PLEC: variants seen among roughly 807,000 people sequenced by gnomAD.
PLEC encodes the protein plectin, also known as hemidesmosomal protein 1.
In PLEC, 216 loss-of-function variants were observed where a neutral mutation model predicts 392.8. The observed-to-expected ratio is 0.55, with a 90% CI of 0.49 to 0.62. The LOEUF (loss-of-function observed/expected upper bound fraction) is 0.62, where lower values mean the gene tolerates loss of function less well. Among genes scored for constraint, PLEC ranks in the 20% least tolerant of loss-of-function variants. PLEC has a pLI of 0.00. For missense variants in PLEC, 6,863 were observed against 6,563.4 expected (o/e 1.05, Z -1.58); for synonymous variants, 3,621 against 2,980.6 (o/e 1.21, Z -7.00).
chr8:143,921,111 C>T lies in PLEC; in HGVS notation c.8710G>A (p.Val2904Ile), dbSNP rs781878564. 5.6e-6 allele frequency: 9 copies of T among 1,612,300 alleles called. No individual in the cohort carries two copies. The highest frequency in any genetic ancestry group is 1.7e-5 in the Admixed American group (1 of 60,010). ...LVYTDSEARD[V>I]FEKATVSAPF... ...GCAGACACGGTGGCCTTCTCAAAGACGTCCCGGGCCTCGGAGTCAGTGTAG... is the reference window on the plus strand; with the variant it reads ...GCAGACACGGTGGCCTTCTCAAAGATGTCCCGGGCCTCGGAGTCAGTGTAG... Residue 2904 changes from valine (V) to isoleucine (I), a missense_variant, in exon 32 of 32, where the codon GTC (valine) becomes ATC (isoleucine). Val to Ile is a conservative substitution (Grantham distance 29, BLOSUM62 3). Coordinates refer to ENST00000345136, the MANE Select transcript of PLEC (RefSeq NM_201384.3).
At chr8:143,975,084 C>G (rs927457401), upstream of PLEC, 60 of 1,401,438 alleles carry the variant, frequency 4.3e-5, 1 homozygote, top group Admixed American at 2.2e-4. The surrounding 1 kb of genome is among the most constrained non-coding windows in gnomAD (Gnocchi z 9.9). Flanking sequence ...AGGCCTCCCC[C>G]ACCCAGTCCC....
Position 143,927,318 on chromosome 8 carries a change from G to A in PLEC, c.3774C>T (p.Ile1258=), listed in dbSNP as rs200582060. 55 of 1,613,132 alleles carry A rather than the reference G, an allele frequency of 3.4e-5. No individual in the cohort carries two copies. In the African/African-American group the frequency reaches 4.0e-4, roughly 12 times the overall value. ...CCTCGACCTTCTCGCCGTGGCGCTC[G>A]ATCTCCTCCAGCAGGGCCTGGGTGA... The part of the protein sequence containing the change: ...LRQEQALLEE[I]ERHGEKVEEC... Residue 1258 remains isoleucine (I), a synonymous_variant, in exon 28 of 32, where the codon ATC becomes ATT. Transcript: ENST00000345136.
chr8:143,935,288 C>T lies in PLEC; in HGVS notation c.628G>A (p.Val210Met). Residue 210 changes from valine (V) to methionine (M), a missense_variant, in exon 7 of 32, where the codon GTG becomes ATG. Coordinates refer to ENST00000345136, the MANE Select transcript of PLEC (RefSeq NM_201384.3). ...HKPLLIDMNK[V>M]YRQTNLENLD... Reference sequence around the variant, plus strand: ...TTCTCCAGGTTGGTCTGCCGGTACACCTTGTTCATGTCGATGAGCAGGGGC... The same window carrying T: ...TTCTCCAGGTTGGTCTGCCGGTACATCTTGTTCATGTCGATGAGCAGGGGC... 1 of 1,608,242 alleles carries T rather than the reference C, an allele frequency of 6.2e-7. No individual in the cohort carries two copies. Among genetic ancestry groups the T allele is most frequent in the Non-Finnish European group, 8.5e-7 (1 of 1,179,884 alleles).
At position 143,931,544 on chromosome 8, in the gene PLEC, T is replaced by A. The variant is rs781903128; in HGVS notation, c.2294A>T (p.Gln765Leu). 7.5e-6 allele frequency: 12 copies of A among 1,591,244 alleles called. No individual in the cohort carries two copies. Among genetic ancestry groups the A allele is most frequent in the African/African-American group, 4.0e-5 (3 of 74,482 alleles). The change falls in exon 19 of 32, where the codon CAG becomes CTG. Residue 765 changes from glutamine to leucine, a missense_variant. Coordinates refer to ENST00000345136, the MANE Select transcript of PLEC (RefSeq NM_201384.3). ...CACCCCCTCCCTCACCTGGGCATCC[T>A]GCAGCAGGTCCTCCAGCCGGGTGAC... ...ATVTRLEDLL[Q>L]DAQDEKEQLN...
chr8:143,929,451 G>A lies in PLEC; in HGVS notation c.3044C>T (p.Pro1015Leu), dbSNP rs372286371. 46 of 1,589,754 alleles carry A rather than the reference G, an allele frequency of 2.9e-5. No individual in the cohort carries two copies. The highest frequency in any genetic ancestry group is 2.1e-4 in the African/African-American group (16 of 74,494). The change falls in exon 24 of 32, where the codon CCG (proline) becomes CTG (leucine). Residue 1015 changes from proline to leucine, a missense_variant. By Grantham distance (98) the Pro-to-Leu change is moderately conservative (BLOSUM62 -3). Coordinates refer to ENST00000345136, the MANE Select transcript of PLEC (RefSeq NM_201384.3). ...GATGCGCTGGGCACACTCCCGTGCC[G>A]GCTCTTTGTCCAGCGGCAGCCGCAG... ...HRLRLPLDKEPARECAQRIAE... is the reference protein window; with the variant it reads ...HRLRLPLDKELARECAQRIAE...
In PLEC at chr8:143,923,872, C is replaced by T. The variant is rs1460910686; in HGVS notation, c.6057G>A (p.Glu2019=). The stretch of plus-strand genomic sequence containing the variant: ...CTCGCTCCCGCAGGCGCCGCGCCTC[C>T]TCCACCTTGGCTTTCAGCCGCTCGA... The part of the protein sequence containing the change: ...EEVERLKAKV[E]EARRLRERAE... Residue 2019 remains glutamate, a synonymous_variant, in exon 31 of 32, where the codon GAG becomes GAA. Transcript: ENST00000345136. The T allele has an allele frequency of 1.3e-6, 2 of 1,594,484 alleles. No individual in the cohort carries two copies. Among genetic ancestry groups the T allele is most frequent in the Non-Finnish European group, 1.7e-6 (2 of 1,177,890 alleles).
Position 143,921,550 on chromosome 8 carries a change from A to G in PLEC, c.8271T>C (p.Gly2757=). 1 of 1,611,984 alleles carries G rather than the reference A, an allele frequency of 6.2e-7. No individual in the cohort carries two copies. Among genetic ancestry groups the G allele is most frequent in the Non-Finnish European group, 8.5e-7 (1 of 1,179,528 alleles). ...RLTVNEAVKE[G]VVGPELHHKL... is the part of the protein sequence containing the mutation. Reference sequence around the variant, plus strand: ...TGTGGTGCAGCTCGGGGCCCACCACACCCTCCTTCACAGCCTCGTTGACGG... The same window carrying G: ...TGTGGTGCAGCTCGGGGCCCACCACGCCCTCCTTCACAGCCTCGTTGACGG... The change falls in exon 32 of 32, where the codon GGT becomes GGC. Residue 2757 remains glycine (G), a synonymous_variant. Transcript: ENST00000345136.
At chr8:143,928,991 C>G (rs1216923908) in intron 25 of PLEC, 112 bp downstream of exon 25, 1 of 1,003,066 alleles carries the variant, frequency 1.0e-6, no homozygotes, top group Non-Finnish European at 1.5e-6. Context: ...CTGGCCAGAT[C>G]TCTGAACAGC....
Position 143,920,038 on chromosome 8 carries a change from G to C in PLEC, c.9783C>G (p.Tyr3261Ter). 1 of 1,613,338 alleles carries C rather than the reference G, an allele frequency of 6.2e-7. No individual in the cohort carries two copies. The highest frequency in any genetic ancestry group is 8.5e-7 in the Non-Finnish European group (1 of 1,180,028). ...GCTCCTGCCGCTGCTCCGCAGTGAA[G>C]TACTCAGAGCTGATGAGCTCCCACA... The part of the protein sequence containing the change: ...VTVWELISSE[Y>*]FTAEQRQELL... The change falls in exon 32 of 32, where the codon TAC becomes TAG. Residue 3261 changes from tyrosine to a stop codon, truncating the protein, a stop_gained. Coordinates refer to ENST00000345136, the MANE Select transcript of PLEC (RefSeq NM_201384.3). LOFTEE classifies it high-confidence loss of function.
At position 143,935,046 on chromosome 8, in the gene PLEC, G is replaced by A. The variant is rs781947126; in HGVS notation, c.790C>T (p.Arg264Cys). Residue 264 changes from arginine to cysteine, a missense_variant, in exon 8 of 32, where the codon CGC becomes TGC. By Grantham distance (180) the Arg-to-Cys change is radical. Coordinates refer to ENST00000345136, the MANE Select transcript of PLEC (RefSeq NM_201384.3). ...ACCCCATCCTGCACGTCCGGCACGC[G>A]GGGCATGGCGTCATACAGCGACGAG... ...YVSSLYDAMP[R>C]VPDVQDGVRA... 7 of 1,612,650 alleles carry A rather than the reference G, an allele frequency of 4.3e-6. No homozygotes were observed. Among genetic ancestry groups the A allele is most frequent in the Admixed American group, 3.3e-5 (2 of 60,008 alleles).
Position 143,925,220 on chromosome 8 carries a change from G to A in PLEC, c.4709C>T (p.Ala1570Val), listed in dbSNP as rs782096342. 4.3e-5 allele frequency: 68 copies of A among 1,587,410 alleles called. 1 individual carries two copies. Among genetic ancestry groups the A allele is most frequent in the African/African-American group, 2.6e-4 (19 of 74,482 alleles). The change falls in exon 31 of 32, where the codon GCG becomes GTG. Residue 1570 changes from alanine to valine, a missense_variant. Transcript: ENST00000345136. ...CAGCTCCGCCTCTGCACTGCGCTGC[G>A]CCGTCTCCAGGGCCACCTGTACCTG... The part of the protein sequence containing the change: ...ARQVQVALET[A>V]QRSAEAELQS...
In PLEC at chr8:143,923,766, CGT is replaced by C. The variant is rs1823816035; in HGVS notation, c.6161_6162del (p.His2054ArgfsTer37). The C allele has an allele frequency of 6.4e-7, 1 of 1,564,068 alleles. No individual in the cohort carries two copies. The highest frequency in any genetic ancestry group is 1.4e-5 in the African/African-American group (1 of 74,006). On this transcript the variant is annotated frameshift_variant, in exon 31 of 32. Transcript: ENST00000345136. LOFTEE classifies it high-confidence loss of function. ...TGCTCCTTCTGCTGCACCGCGAAGG[CGT>C]GTGCCTTCTCTTCCGCCTGCAGCCG... ...QKRLQAEEKAHAFAVQQKEQE... is the reference protein window; with the variant it reads ...QKRLQAEEKAXAFAVQQKEQE...
In PLEC at chr8:143,935,953, A is replaced by T; in HGVS notation, c.497T>A (p.Leu166Gln). 1 of 1,612,864 alleles carries T rather than the reference A, an allele frequency of 6.2e-7. No homozygotes were observed. The highest frequency in any genetic ancestry group is 8.5e-7 in the Non-Finnish European group (1 of 1,179,926). The change falls in exon 6 of 32, where the codon CTG becomes CAG. Residue 166 changes from leucine to glutamine, a missense_variant. Leu to Gln is a moderately radical substitution (Grantham distance 113). Transcript: ENST00000345136. ...CCCCTCCACCATTCGCTGCGACCACAGCAGCAGCTTCTCCTTGGCCGTCAT... is the reference window on the plus strand; with the variant it reads ...CCCCTCCACCATTCGCTGCGACCACTGCAGCAGCTTCTCCTTGGCCGTCAT... Reference protein sequence around the residue: ...EDMTAKEKLLLWSQRMVEGYQ... With the variant: ...EDMTAKEKLLQWSQRMVEGYQ...
rs561405725 is a variant in PLEC, at chr8:143,922,767, G to A, written c.7162C>T (p.Arg2388Cys). Reference sequence around the variant, plus strand: ...TGGGCTCGGCTCATCTCGGCCACACGCAGCTTGAGGCGCTCAGCCTCAGCG... The same window carrying A: ...TGGGCTCGGCTCATCTCGGCCACACACAGCTTGAGGCGCTCAGCCTCAGCG... Reference protein sequence around the residue: ...MSAEAERLKLRVAEMSRAQAR... With the variant: ...MSAEAERLKLCVAEMSRAQAR... The change falls in exon 31 of 32, where the codon CGT (arginine) becomes TGT (cysteine). Residue 2388 changes from arginine (R) to cysteine (C), a missense_variant. Transcript: ENST00000345136. 39 of 1,605,664 alleles carry A rather than the reference G, an allele frequency of 2.4e-5. No individual in the cohort carries two copies. The highest frequency in any genetic ancestry group is 1.9e-4 in the Middle Eastern group (1 of 5,328).
At chr8:143,960,083 G>A (rs1429817701) in intron 1 of PLEC, among the ~76,000 whole-genome samples, 1 of 152,142 alleles carries the variant, frequency 6.6e-6, no homozygotes, top group Non-Finnish European at 1.5e-5. Context: ...GGGAGTTCGA[G>A]ACCAGCCTGA....
At chr8:143,968,706 A>C (rs1052922077) in intron 1 of PLEC, among the ~76,000 whole-genome samples, 2 of 152,310 alleles carry the variant, frequency 1.3e-5, no homozygotes, top group South Asian at 4.1e-4. Context: ...TGAAATACAC[A>C]TTTCTCAAAA....
In PLEC at chr8:143,922,069, C is replaced by T. The variant is rs1554688160; in HGVS notation, c.7752G>A (p.Glu2584=). 2.5e-6 allele frequency: 4 copies of T among 1,584,000 alleles called. No homozygotes were observed. The highest frequency in any genetic ancestry group is 3.5e-5 in the Admixed American group (2 of 57,966). ...QQLEQQRRQQ[E]ELLAEENQRL... is the part of the protein sequence containing the mutation. ...TCTGGTTCTCCTCAGCCAGCAGCTC[C>T]TCCTGCTGCCGCCGCTGCTGCTCCA... Residue 2584 remains glutamate (E), a synonymous_variant, in exon 32 of 32, where the codon GAG becomes GAA. Coordinates refer to ENST00000345136, the MANE Select transcript of PLEC (RefSeq NM_201384.3).
At chr8:143,960,435 GGT>G (rs1179047389) in intron 1 of PLEC, among the ~76,000 whole-genome samples, 1 of 151,780 alleles carries the variant, frequency 6.6e-6, no homozygotes, top group Non-Finnish European at 1.5e-5. Context: ...TGGCCAACAA[GGT>G]GAAACCCCGT....
rs782555191 is a variant in PLEC, at chr8:143,927,317, C to G, written c.3775G>C (p.Glu1259Gln). 2.5e-6 allele frequency: 4 copies of G among 1,613,026 alleles called. No homozygotes were observed. In the African/African-American group the frequency reaches 5.3e-5, roughly 22 times the overall value. The change falls in exon 28 of 32, where the codon GAG becomes CAG. Residue 1259 changes from glutamate to glutamine, a missense_variant. Coordinates refer to ENST00000345136, the MANE Select transcript of PLEC (RefSeq NM_201384.3). ...TCCTCGACCTTCTCGCCGTGGCGCT[C>G]GATCTCCTCCAGCAGGGCCTGGGTG... ...RQEQALLEEI[E>Q]RHGEKVEECQ... is the part of the protein sequence containing the mutation.
Sources: allele counts gnomAD v4.1 joint callset (sites outside exome capture counted in the v4.1 genomes callset), GRCh38; gene constraint gnomAD v4.1.1; non-coding constraint Gnocchi (gnomAD v3.1); transcripts MANE v1.5; gene names NCBI Gene and HGNC (gene_info 2026-07-23, HGNC 2026-07-21).